The following SLC23A3 variants were observed in gnomAD, a reference collection of about 807,000 sequenced individuals.
The protein encoded by SLC23A3 is solute carrier family 23 member 3.
In SLC23A3, 41 loss-of-function variants were observed where a neutral mutation model predicts 64.7. The observed-to-expected ratio is 0.63, with a 90% confidence interval of 0.49 to 0.82. SLC23A3 has a LOEUF of 0.82. SLC23A3 is among the 40% of genes least tolerant of loss of function. The probability of loss-of-function intolerance (pLI) is 0.00; values close to 1 mark genes in which losing one functional copy is unlikely to be tolerated. For synonymous variants in SLC23A3, 281 were observed against 306.8 expected (o/e 0.92, Z 0.88); for missense variants, 647 against 733.4 (o/e 0.88, Z 1.36).
chr2:219,162,020 A>G lies in SLC23A3; in HGVS notation c.1722T>C (p.Pro574=). 1 of 1,614,112 alleles carries G rather than the reference A, an allele frequency of 6.2e-7. No individual in the cohort carries two copies. The highest frequency in any genetic ancestry group is 2.2e-5 in the East Asian group (1 of 44,878). The change falls in exon 12 of 12, where the codon CCT becomes CCC. Residue 574 remains proline (P), a synonymous_variant. Coordinates refer to ENST00000409878, the MANE Select transcript of SLC23A3 (RefSeq NM_001144889.2). ...CAGAGGAGCCTCCTTCCTCATCCCC[A>G]GGGTCTTCAGGCAGTGGGCAGAGGC... The part of the protein sequence containing the change: ...LHCLCPLPED[P]GDEEGGSSEP...
Position 219,169,851 on chromosome 2 carries a change from C to A in SLC23A3, c.134G>T (p.Trp45Leu). 6.2e-7 allele frequency: 1 copy of A among 1,600,618 alleles called. No individual in the cohort carries two copies. The highest frequency in any genetic ancestry group is 8.5e-7 in the Non-Finnish European group (1 of 1,174,248). ...CAGAGCCAGAAGACAGCTGAGGCCC[C>A]AAGGCAGAGATCCACACAAAGGGTC... is the stretch of plus-strand genomic sequence containing the variant. Reference protein sequence around the residue: ...SWDPLCGSLPWGLSCLLALQH... With the variant: ...SWDPLCGSLPLGLSCLLALQH... Residue 45 changes from tryptophan (W) to leucine (L), a missense_variant, in exon 1 of 12, where the codon TGG (tryptophan) becomes TTG (leucine). Physicochemically the swap from Trp to Leu is moderately conservative, Grantham distance 61. Transcript: ENST00000409878. This position sits in a 1 kb window ranked among gnomAD's most constrained non-coding sequence, Gnocchi z 4.5.
chr2:219,169,704 A>G lies in SLC23A3; in HGVS notation c.163-26T>C. 1 of 1,613,720 alleles carries G rather than the reference A, an allele frequency of 6.2e-7. No individual in the cohort carries two copies. On this transcript the variant is annotated intron_variant, in intron 1 of 11. Transcript: ENST00000409878. This position sits in a 1 kb window ranked among gnomAD's most constrained non-coding sequence, Gnocchi z 4.5. Reference sequence around the variant, plus strand: ...CTGCAGGTGGAGGAATGGGGAGGGCAGTCTTCAGAGAAGTGGAAATACCTA... The same window carrying G: ...CTGCAGGTGGAGGAATGGGGAGGGCGGTCTTCAGAGAAGTGGAAATACCTA...
Position 219,165,432 on chromosome 2 carries a change from G to A in SLC23A3, c.914-10C>T, listed in dbSNP as rs1949996257. ...GGCCAATTCCACTCACCTGGGGAGG[G>A]AGAAGAAGCCACTTTGGGGCCAGAC... On this transcript the variant is annotated splice_polypyrimidine_tract_variant and intron_variant, in intron 7 of 11. Transcript: ENST00000409878. The A allele has an allele frequency of 5.2e-6, 8 of 1,540,908 alleles. No individual in the cohort carries two copies. The East Asian group carries it at 9.8e-5, about 19-fold the overall frequency.
chr2:219,162,283 C>A lies in SLC23A3; in HGVS notation c.1537+16G>T. On this transcript the variant is annotated intron_variant, in intron 11 of 11. Transcript: ENST00000409878. ...CTGGCCACTCCCCAGTCTGCTAGGG[C>A]CTAGCCTCAACTTACCAGGAATCGT... is the stretch of plus-strand genomic sequence containing the variant. 6.2e-7 allele frequency: 1 copy of A among 1,613,938 alleles called. No individual in the cohort carries two copies. Among genetic ancestry groups the A allele is most frequent in the Middle Eastern group, 1.6e-4 (1 of 6,062 alleles).
At position 219,169,848 on chromosome 2, in the gene SLC23A3, C is replaced by A. The variant is rs1559211217; in HGVS notation, c.137G>T (p.Gly46Val). Reference protein sequence around the residue: ...WDPLCGSLPWGLSCLLALQHV... With the variant: ...WDPLCGSLPWVLSCLLALQHV... ...CTGCAGAGCCAGAAGACAGCTGAGG[C>A]CCCAAGGCAGAGATCCACACAAAGG... Residue 46 changes from glycine (G) to valine (V), a missense_variant, in exon 1 of 12, where the codon GGC (glycine) becomes GTC (valine). By Grantham distance (109) the Gly-to-Val change is moderately radical. Coordinates refer to ENST00000409878, the MANE Select transcript of SLC23A3 (RefSeq NM_001144889.2). The surrounding 1 kb of genome is among the most constrained non-coding windows in gnomAD (Gnocchi z 4.5). 1.2e-6 allele frequency: 2 copies of A among 1,603,412 alleles called. No homozygotes were observed. Among genetic ancestry groups the A allele is most frequent in the Admixed American group, 3.4e-5 (2 of 58,688 alleles).
In SLC23A3 at chr2:219,161,873, G is replaced by A. The variant is rs753400819; in HGVS notation, c.*36C>T. The stretch of plus-strand genomic sequence containing the variant: ...CTGACTCTCCAGCAGATGAGAGTTA[G>A]GGCTAAATTAACCAGGGCAGAAGTA... On this transcript the variant is annotated 3_prime_UTR_variant, in exon 12 of 12. Coordinates refer to ENST00000409878, the MANE Select transcript of SLC23A3 (RefSeq NM_001144889.2). The A allele has an allele frequency of 4.6e-6, 7 of 1,518,074 alleles. No homozygotes were observed. The Admixed American group carries it at 1.1e-4, about 24-fold the overall frequency. The allele number at this position is 1,518,074 out of a possible 1,614,324, so 94.0% of individuals were successfully genotyped here.
rs1402904304 is a variant in SLC23A3 at position 219,167,926 on chromosome 2, C to G, written c.913+4G>C. On this transcript the variant is annotated splice_donor_region_variant and intron_variant, in intron 7 of 11. Transcript: ENST00000409878. The stretch of plus-strand genomic sequence containing the variant: ...AGAGAATGGAGGACTAGGAGAAAAC[C>G]TACCTGGGTGAGGCAGCCAAATCCA... The G allele has an allele frequency of 1.3e-6, 2 of 1,578,810 alleles. No individual in the cohort carries two copies. The highest frequency in any genetic ancestry group is 4.5e-5 in the East Asian group (2 of 44,182).
chr2:219,165,300 G>A lies in SLC23A3; in HGVS notation c.1036C>T (p.Pro346Ser), dbSNP rs761497245. 5.7e-5 allele frequency: 88 copies of A among 1,551,502 alleles called. No homozygotes were observed. The South Asian group carries it at 6.4e-4, about 11-fold the overall frequency. Reference sequence around the variant, plus strand: ...CGACTGCAGGCATGTGGAGGTGGGGGAGGCAAATGCAGCAGCCGGCCACAC... The same window carrying A: ...CGACTGCAGGCATGTGGAGGTGGGGAAGGCAAATGCAGCAGCCGGCCACAC... The part of the protein sequence containing the change: ...ALCGRLLHLP[P>S]PPPHACSRGL... Residue 346 changes from proline (P) to serine (S), a missense_variant, in exon 8 of 12, where the codon CCC becomes TCC. Coordinates refer to ENST00000409878, the MANE Select transcript of SLC23A3 (RefSeq NM_001144889.2).
At chr2:219,168,411 G>A in intron 5 of SLC23A3, 93 bp from the exon 6 acceptor site, 2 of 1,402,484 alleles carry the variant, frequency 1.4e-6, no homozygotes, top group Non-Finnish European at 1.9e-6. Flanking sequence ...TAAGAGCGGG[G>A]GGTGATACCA....
In SLC23A3 at chr2:219,168,173, C is replaced by A. The variant is rs772836585; in HGVS notation, c.798+22G>T. On this transcript the variant is annotated intron_variant, in intron 6 of 11. Transcript: ENST00000409878. Reference sequence around the variant, plus strand: ...AGGCCAGCCCTTCTGACCTCTACTGCCCTGCCCAGACCCACACATACCGAA... The same window carrying A: ...AGGCCAGCCCTTCTGACCTCTACTGACCTGCCCAGACCCACACATACCGAA... 5 of 1,612,312 alleles carry A rather than the reference C, an allele frequency of 3.1e-6. No individual in the cohort carries two copies. The Admixed American group carries it at 6.7e-5, about 22-fold the overall frequency.
intron 10 of SLC23A3, 89 bp downstream of exon 10, chr2:219,163,299 A>G: frequency 1.5e-6 from 2 of 1,290,522 alleles, no homozygotes; most frequent in Non-Finnish European, 2.2e-6. Context: ...ACCAAAGCCC[A>G]GAGAAGGCTG....
At position 219,168,738 on chromosome 2, in the gene SLC23A3, C is replaced by T; in HGVS notation, c.588G>A (p.Val196=). ...CTGCCACAACCAGGCTGGGAGCCAGCACCAGGGGCCCACAGTGGGGGAACA... is the reference window on the plus strand; with the variant it reads ...CTGCCACAACCAGGCTGGGAGCCAGTACCAGGGGCCCACAGTGGGGGAACA... ...GHVFPHCGPL[V]LAPSLVVAGL... The change falls in exon 5 of 12, where the codon GTG becomes GTA. Residue 196 remains valine, a synonymous_variant. Transcript: ENST00000409878. 6.2e-7 allele frequency: 1 copy of T among 1,613,416 alleles called. No homozygotes were observed. Among genetic ancestry groups the T allele is most frequent in the Non-Finnish European group, 8.5e-7 (1 of 1,179,652 alleles).
rs1360749834 is a variant in SLC23A3, at chr2:219,168,688, G to T, written c.638C>A (p.Ala213Asp). The T allele has an allele frequency of 1.2e-6, 2 of 1,613,774 alleles. No homozygotes were observed. The highest frequency in any genetic ancestry group is 3.3e-5 in the Admixed American group (2 of 59,984). The change falls in exon 5 of 12, where the codon GCC becomes GAC. Residue 213 changes from alanine to aspartate, a missense_variant. By Grantham distance (126) the Ala-to-Asp change is moderately radical. Coordinates refer to ENST00000409878, the MANE Select transcript of SLC23A3 (RefSeq NM_001144889.2). ...VAGLSAHREV[A>D]QFCFTHWGLA... ...CCCCCAGTGTGTGAAGCAGAACTGG[G>T]CTACCTCCCTGTGGGCAGAGAGCCC...
In SLC23A3 at chr2:219,163,345, T is replaced by C. The variant is rs561328825; in HGVS notation, c.1441+43A>G. 3.1e-6 allele frequency: 5 copies of C among 1,597,176 alleles called. No homozygotes were observed. In the African/African-American group the frequency reaches 6.7e-5, roughly 21 times the overall value. On this transcript the variant is annotated intron_variant, in intron 10 of 11. Transcript: ENST00000409878. The stretch of plus-strand genomic sequence containing the variant: ...AGTCCGGGCAGCCTGAAGCCTCAAC[T>C]TGCTTTCCTGCTACTGAGCAACGCC...
In SLC23A3 at chr2:219,163,543, C is replaced by G; in HGVS notation, c.1286G>C (p.Gly429Ala). 1 of 1,614,120 alleles carries G rather than the reference C, an allele frequency of 6.2e-7. No homozygotes were observed. Among genetic ancestry groups the G allele is most frequent in the Non-Finnish European group, 8.5e-7 (1 of 1,180,042 alleles). ...IPLPVVGGVL[G>A]VTQAVVLSAG... is the part of the protein sequence containing the mutation. The stretch of plus-strand genomic sequence containing the variant: ...AGACAAAACCACAGCCTGGGTCACC[C>G]CCAGCACCCCACCTGTCTCATACAG... Residue 429 changes from glycine to alanine, a missense_variant, in exon 10 of 12, where the codon GGG (glycine) becomes GCG (alanine). Physicochemically the swap from Gly to Ala is moderately conservative, Grantham distance 60. Coordinates refer to ENST00000409878, the MANE Select transcript of SLC23A3 (RefSeq NM_001144889.2).
At chr2:219,166,455 C>A (rs1950006160) in intron 7 of SLC23A3, among the ~76,000 whole-genome samples, 1 of 152,118 alleles carries the variant, frequency 6.6e-6, no homozygotes, top group Non-Finnish European at 1.5e-5. Context: ...CCTCAGCCTC[C>A]CAAAGTGCTG....
At position 219,168,327 on chromosome 2, in the gene SLC23A3, C is replaced by A; in HGVS notation, c.675-9G>T. ...CCATGAGCAGGATAACCCTAGGAGA[C>A]AGAAGGCTTTAGGAGCAAGAGGCAG... is the stretch of plus-strand genomic sequence containing the variant. On this transcript the variant is annotated splice_polypyrimidine_tract_variant and intron_variant, in intron 5 of 11. Coordinates refer to ENST00000409878, the MANE Select transcript of SLC23A3 (RefSeq NM_001144889.2). 1 of 1,587,328 alleles carries A rather than the reference C, an allele frequency of 6.3e-7. No individual in the cohort carries two copies. The highest frequency in any genetic ancestry group is 8.6e-7 in the Non-Finnish European group (1 of 1,167,108).
chr2:219,161,736 C>T lies in SLC23A3; in HGVS notation c.*173G>A. ...GGCCTCTGCTCTGGAACAGTTAGGC[C>T]TAATTAAGACAAGGAAAGGCAACCC... On this transcript the variant is annotated 3_prime_UTR_variant, in exon 12 of 12. Coordinates refer to ENST00000409878, the MANE Select transcript of SLC23A3 (RefSeq NM_001144889.2). The T allele has an allele frequency of 1.7e-6, 1 of 575,234 alleles. No individual in the cohort carries two copies. Among genetic ancestry groups the T allele is most frequent in the Non-Finnish European group, 2.9e-6 (1 of 343,244 alleles). The allele number at this position is 575,234 out of a possible 1,614,324, so 35.6% of individuals were successfully genotyped here. A position where few individuals can be genotyped will look rare whatever the true frequency, so the allele number is the denominator to read the frequency against.
At position 219,169,158 on chromosome 2, in the gene SLC23A3, G is replaced by A; in HGVS notation, c.419-56C>T. On this transcript the variant is annotated intron_variant, in intron 3 of 11. Transcript: ENST00000409878. This position sits in a 1 kb window ranked among gnomAD's most constrained non-coding sequence, Gnocchi z 4.5. Reference sequence around the variant, plus strand: ...AGGGTGAATGGAATGGAGACCCATTGCTCTACAGTCCCACTCCTGGCACAG... The same window carrying A: ...AGGGTGAATGGAATGGAGACCCATTACTCTACAGTCCCACTCCTGGCACAG... 1.3e-6 allele frequency: 2 copies of A among 1,599,342 alleles called. No homozygotes were observed. Among genetic ancestry groups the A allele is most frequent in the Admixed American group, 1.7e-5 (1 of 59,908 alleles).
Sources: allele counts gnomAD v4.1 joint callset (sites outside exome capture counted in the v4.1 genomes callset), GRCh38; gene constraint gnomAD v4.1.1; non-coding constraint Gnocchi (gnomAD v3.1); transcripts MANE v1.5; gene names NCBI Gene and HGNC (gene_info 2026-07-23, HGNC 2026-07-21).